The following HCN1 variants were observed in gnomAD, a reference collection of about 807,000 sequenced individuals.
HCN1 encodes hyperpolarization activated cyclic nucleotide gated potassium channel 1.
In HCN1, 13 loss-of-function variants were observed where a neutral mutation model predicts 78.9. That is an observed-to-expected ratio of 0.16 (90% CI 0.11 to 0.26). HCN1 has a LOEUF of 0.26. Among genes scored for constraint, HCN1 ranks in the 10% least tolerant of loss-of-function variants. The probability of loss-of-function intolerance (pLI) is 1.00; values close to 1 mark genes in which losing one functional copy is unlikely to be tolerated. For missense variants in HCN1, 810 were observed against 1,154.3 expected, an observed-to-expected ratio of 0.70 and a Z score of 4.32; for synonymous variants, 552 against 455.5, an observed-to-expected ratio of 1.21 and a Z score of -2.70.
chr5:45,645,309 C>T lies in HCN1; in HGVS notation c.725G>A (p.Gly242Glu). ...TGTCTTGTAAACTTCAGAATCCATT[C>T]CTTTTTCTACAATAAGAAAGATATA... ...VDYIFLIVEK[G>E]MDSEVYKTAR... is the part of the protein sequence containing the mutation. Residue 242 changes from glycine (G) to glutamate (E), a missense_variant, in exon 2 of 8, where the codon GGA becomes GAA. Physicochemically the swap from Gly to Glu is moderately conservative, Grantham distance 98. Coordinates refer to ENST00000303230, the MANE Select transcript of HCN1 (RefSeq NM_021072.4). 1.2e-6 allele frequency: 2 copies of T among 1,613,538 alleles called. No individual in the cohort carries two copies. The highest frequency in any genetic ancestry group is 1.7e-6 in the Non-Finnish European group (2 of 1,179,788).
intron 5 of HCN1, among the ~76,000 whole-genome samples, chr5:45,343,814 T>A (rs1475016567): frequency 6.6e-6 from 1 of 151,742 alleles, no homozygotes; most frequent in East Asian, 1.9e-4. Flanking sequence ...GAAAATCCAA[T>A]GGCTCAGAAA....
chr5:45,673,507 T>C (rs867237411), intron 1 of HCN1, among the ~76,000 whole-genome samples: 2 of 151,566 alleles, frequency 1.3e-5, no homozygotes, highest in Non-Finnish European at 3.0e-5. Context: ...ACTTACATTA[T>C]ACTTTGGGTT....
chr5:45,501,886 C>T (rs1050154091), intron 2 of HCN1, among the ~76,000 whole-genome samples: 1 of 152,040 alleles, frequency 6.6e-6, no homozygotes, highest in Admixed American at 6.6e-5. Flanking sequence ...GTAGATACAG[C>T]GTTTTATTAG....
intron 1 of HCN1, among the ~76,000 whole-genome samples, chr5:45,654,714 TGTGA>T (rs1745735379): frequency 6.6e-6 from 1 of 152,164 alleles, no homozygotes; most frequent in South Asian, 2.1e-4. Context: ...ACTGAATGAC[TGTGA>T]GTTACAGACA....
chr5:45,490,377 A>G (rs1741858208), intron 2 of HCN1, among the ~76,000 whole-genome samples: 1 of 152,136 alleles, frequency 6.6e-6, no homozygotes, highest in African/African-American at 2.4e-5. Context: ...TGCCTGACAA[A>G]TTTATGGGTT....
intron 2 of HCN1, among the ~76,000 whole-genome samples, chr5:45,464,851 T>TTA (rs1741235844): frequency 6.6e-6 from 1 of 152,090 alleles, no homozygotes; most frequent in Non-Finnish European, 1.5e-5. Flanking sequence ...GGCTACTTCC[T>TTA]TACGGAGCTC....
At chr5:45,322,241 G>A (rs1746139816) in intron 5 of HCN1, among the ~76,000 whole-genome samples, 1 of 151,834 alleles carries the variant, frequency 6.6e-6, no homozygotes, top group Non-Finnish European at 1.5e-5. Context: ...TTGGGTGGCT[G>A]TCCTAAACCC....
intron 3 of HCN1, among the ~76,000 whole-genome samples, chr5:45,427,885 A>C (rs1740383999): frequency 6.6e-6 from 1 of 152,088 alleles, no homozygotes; most frequent in African/African-American, 2.4e-5. Flanking sequence ...TGATTGTATG[A>C]AGATAGTTTT....
At position 45,255,200 on chromosome 5, in the gene HCN1, C is replaced by A. The variant is rs1292797802; in HGVS notation, c.*6721G>T. The A allele has an allele frequency of 1.3e-5, 2 of 152,116 alleles. No homozygotes were observed. The highest frequency in any genetic ancestry group is 4.8e-5 in the African/African-American group (2 of 41,422). The allele number at this position is 152,116 out of a possible 1,614,324, so 9.4% of individuals were successfully genotyped here. A position where few individuals can be genotyped will look rare whatever the true frequency, so the allele number is the denominator to read the frequency against. ...TGACCAAGAGTAAACTTTGGATGGT[C>A]CAGGATAAAATTATAACATAGGTGG... On this transcript the variant is annotated 3_prime_UTR_variant, in exon 8 of 8. Coordinates refer to ENST00000303230, the MANE Select transcript of HCN1 (RefSeq NM_021072.4).
intron 1 of HCN1, among the ~76,000 whole-genome samples, chr5:45,653,457 C>A (rs891425064): frequency 5.3e-5 from 8 of 152,094 alleles, no homozygotes; most frequent in Non-Finnish European, 1.2e-4. Context: ...ACTGTTTTAG[C>A]CCTTATTCCT....
chr5:45,382,815 C>T (rs187258889), intron 4 of HCN1, among the ~76,000 whole-genome samples: 16 of 152,136 alleles, frequency 1.1e-4, no homozygotes, highest in African/African-American at 2.2e-4. Context: ...CATGAAATTA[C>T]GAAATGATGA....
intron 2 of HCN1, among the ~76,000 whole-genome samples, chr5:45,529,005 A>C (rs1742790642): frequency 6.6e-6 from 1 of 152,054 alleles, no homozygotes; most frequent in Non-Finnish European, 1.5e-5. Context: ...GATGAATTAA[A>C]ACACAGTAAA....
At chr5:45,401,984 A>G (rs970129366) in intron 3 of HCN1, among the ~76,000 whole-genome samples, 11 of 152,238 alleles carry the variant, frequency 7.2e-5, no homozygotes, top group African/African-American at 2.6e-4. Flanking sequence ...GAGTAAGACC[A>G]TGGGTCATGC....
intron 2 of HCN1, among the ~76,000 whole-genome samples, chr5:45,630,060 A>C (rs1010272929): frequency 2.0e-5 from 3 of 152,118 alleles, no homozygotes; most frequent in African/African-American, 7.2e-5. Flanking sequence ...AATACCTAAA[A>C]GAGTGTCTAT....
intron 3 of HCN1, among the ~76,000 whole-genome samples, chr5:45,409,790 T>G (rs1197285333): frequency 6.6e-6 from 1 of 151,890 alleles, no homozygotes; most frequent in African/African-American, 2.4e-5. Context: ...ATTTATCCTT[T>G]TTATAAGTAC....
chr5:45,355,676 G>A (rs1251437757), intron 4 of HCN1, among the ~76,000 whole-genome samples: 1 of 151,926 alleles, frequency 6.6e-6, no homozygotes, highest in Non-Finnish European at 1.5e-5. Flanking sequence ...AGTCACTAAG[G>A]GAGGATGTGT....
chr5:45,588,528 A>G (rs1397569291), intron 2 of HCN1, among the ~76,000 whole-genome samples: 2 of 152,196 alleles, frequency 1.3e-5, no homozygotes, highest in Admixed American at 1.3e-4. Flanking sequence ...CAGGATAGCT[A>G]GAATTCCTGA....
At chr5:45,635,469 A>G (rs1435175705) in intron 2 of HCN1, among the ~76,000 whole-genome samples, 1 of 152,036 alleles carries the variant, frequency 6.6e-6, no homozygotes, top group Non-Finnish European at 1.5e-5. Flanking sequence ...CAAAATAGCT[A>G]CCATTCCTTT....
intron 2 of HCN1, among the ~76,000 whole-genome samples, chr5:45,632,783 T>C (rs1422187717): frequency 1.3e-5 from 2 of 151,944 alleles, no homozygotes; most frequent in South Asian, 2.1e-4. Flanking sequence ...TCTCTGACAA[T>C]AGCCACAACA....
Sources: gnomAD v4.1 joint callset for allele counts (sites outside exome capture counted in the v4.1 genomes callset) on GRCh38, gnomAD v4.1.1 for gene constraint, MANE v1.5 for transcripts, NCBI Gene and HGNC (gene_info 2026-07-23, HGNC 2026-07-21) for gene names.